Variants in SLC41A3 observed in about 807,000 individuals in gnomAD.
The protein encoded by SLC41A3 is solute carrier family 41 member 3.
SLC41A3 carries 44 observed loss-of-function variants against 45.4 expected under a neutral mutation model. The observed-to-expected ratio is 0.97, with a 90% CI of 0.76 to 1.25. SLC41A3 has a LOEUF of 1.25. Ranked by LOEUF, SLC41A3 falls within the 50% of genes most tolerant of loss-of-function variation. The pLI, the probability that SLC41A3 is intolerant of heterozygous loss-of-function variation, is 0.00. For missense variants in SLC41A3, 550 were observed against 600.6 expected (o/e 0.92, Z 0.88); for synonymous variants, 256 against 252.4 (o/e 1.01, Z -0.13).
At chr3:126,068,641 G>A (rs1030973314) in intron 1 of SLC41A3, among the ~76,000 whole-genome samples, 6 of 152,172 alleles carry the variant, frequency 3.9e-5, no homozygotes, top group African/African-American at 1.4e-4. Flanking sequence ...CTGACTCTCA[G>A]CAAGAAAGAT....
At chr3:126,011,382 A>C (rs139092265) in intron 9 of SLC41A3, among the ~76,000 whole-genome samples, 172 of 152,348 alleles carry the variant, frequency 1.1e-3, no homozygotes, top group African/African-American at 4.0e-3. Flanking sequence ...TTGGAGAAAA[A>C]AGTGATAGAA....
chr3:126,021,230 C>T (rs1940855124), intron 6 of SLC41A3, among the ~76,000 whole-genome samples: 1 of 66,120 alleles, frequency 1.5e-5, no homozygotes, highest in African/African-American at 6.4e-5. Context: ...TTTTCCTGGG[C>T]TTTCTGTGTC....
intron 2 of SLC41A3, among the ~76,000 whole-genome samples, chr3:126,054,503 C>T (rs1333465402): frequency 6.6e-6 from 1 of 152,112 alleles, no homozygotes; most frequent in Non-Finnish European, 1.5e-5. Context: ...AGACAGAGCC[C>T]CTCACTCCTG....
At chr3:126,012,257 C>T (rs79488839) in intron 9 of SLC41A3, among the ~76,000 whole-genome samples, 4,480 of 152,276 alleles carry the variant, frequency 0.029, 196 homozygotes, top group African/African-American at 0.098. Context: ...TCCTCTAATT[C>T]TTTTTCACTG....
intron 1 of SLC41A3, among the ~76,000 whole-genome samples, chr3:126,082,193 G>A (rs370855512): frequency 4.6e-5 from 7 of 152,204 alleles, no homozygotes; most frequent in African/African-American, 1.4e-4. Context: ...CTGACAGCTC[G>A]TGCAGATGAA....
intron 4 of SLC41A3, among the ~76,000 whole-genome samples, chr3:126,033,336 GA>G (rs1941940112): frequency 7.0e-6 from 1 of 143,290 alleles, no homozygotes; most frequent in Admixed American, 6.9e-5. Flanking sequence ...GACAGAGAAG[GA>G]GCAAGTACAG....
At chr3:126,064,747 C>T (rs925818900) in intron 2 of SLC41A3, among the ~76,000 whole-genome samples, 1 of 152,238 alleles carries the variant, frequency 6.6e-6, no homozygotes, top group African/African-American at 2.4e-5. Context: ...TGGAGACCCC[C>T]GTTCTTCCCG....
intron 2 of SLC41A3, chr3:126,056,368 T>C: frequency 6.2e-7 from 1 of 1,613,968 alleles, no homozygotes; most frequent in Non-Finnish European, 8.5e-7. Context: ...TTGAATGGTG[T>C]TCATCACCAG....
chr3:126,022,750 G>T (rs781097902), intron 6 of SLC41A3, 36 bp downstream of exon 6: 8 of 1,611,744 alleles, frequency 5.0e-6, no homozygotes, highest in Non-Finnish European at 6.8e-6. Context: ...CCCCCTCCAC[G>T]GAGCCTTTGT....
At chr3:126,084,307 G>A (rs1343725332), upstream of SLC41A3, 1 of 152,158 alleles carries the variant, frequency 6.6e-6, no homozygotes, top group Admixed American at 6.5e-5. Context: ...GGGAGCCGGG[G>A]ATCGCGGGGA....
intron 9 of SLC41A3, 136 bp from the exon 10 acceptor site, chr3:126,009,016 G>T: frequency 3.9e-6 from 4 of 1,013,238 alleles, no homozygotes; most frequent in Admixed American, 2.3e-5. Flanking sequence ...TCTGTGGCAA[G>T]CATATTCTGG....
Position 126,033,572 on chromosome 3 carries a change from T to C in SLC41A3, c.453+35A>G. 1.9e-6 allele frequency: 3 copies of C among 1,604,248 alleles called. No individual in the cohort carries two copies. In the South Asian group the frequency reaches 3.4e-5, roughly 18 times the overall value. ...CCACCTGGGGAAGCCTGGCTGCAGATTCAGAAGGGAGGGTCGGACAAGGTG... is the reference window on the plus strand; with the variant it reads ...CCACCTGGGGAAGCCTGGCTGCAGACTCAGAAGGGAGGGTCGGACAAGGTG... On this transcript the variant is annotated intron_variant, in intron 4 of 10. Coordinates refer to ENST00000360370, the MANE Select transcript of SLC41A3 (RefSeq NM_017836.4).
At chr3:126,044,862 C>T (rs1279018209) in intron 3 of SLC41A3, among the ~76,000 whole-genome samples, 1 of 131,882 alleles carries the variant, frequency 7.6e-6, no homozygotes, top group Non-Finnish European at 1.5e-5. Flanking sequence ...CGCCACTGCA[C>T]TCCAGCCTGG....
intron 10 of SLC41A3, among the ~76,000 whole-genome samples, chr3:126,008,335 AG>A (rs1485321359): frequency 5.9e-5 from 9 of 152,212 alleles, no homozygotes; most frequent in African/African-American, 9.6e-5. Flanking sequence ...TGTGACATGC[AG>A]TGTGTAGTGT....
chr3:126,032,567 C>T (rs948725027), intron 4 of SLC41A3, among the ~76,000 whole-genome samples: 6 of 152,194 alleles, frequency 3.9e-5, no homozygotes, highest in African/African-American at 1.4e-4. Context: ...TTGCCTGAGG[C>T]CCCTCAGTGG....
intron 2 of SLC41A3, among the ~76,000 whole-genome samples, chr3:126,067,074 A>C (rs1944381283): frequency 6.7e-6 from 1 of 149,768 alleles, no homozygotes; most frequent in Non-Finnish European, 1.5e-5. Context: ...TCACTGGGTC[A>C]GGGTCTGTGG....
At chr3:126,054,069 A>G (rs1200290708) in intron 2 of SLC41A3, among the ~76,000 whole-genome samples, 1 of 151,998 alleles carries the variant, frequency 6.6e-6, no homozygotes, top group Non-Finnish European at 1.5e-5. Context: ...CTCCGGCCTC[A>G]CCCTCGGGGT....
intron 3 of SLC41A3, among the ~76,000 whole-genome samples, chr3:126,039,260 T>C (rs1217319940): frequency 4.6e-5 from 7 of 152,252 alleles, no homozygotes; most frequent in African/African-American, 7.2e-5. Flanking sequence ...AACTAAACTA[T>C]AGAATGTATT....
chr3:126,032,650 G>A (rs879903705), intron 4 of SLC41A3, among the ~76,000 whole-genome samples: 2 of 152,232 alleles, frequency 1.3e-5, no homozygotes, highest in Admixed American at 6.5e-5. Context: ...TGAGTATGGG[G>A]AGAGAAGACA....
Sources: gnomAD v4.1 joint callset for allele counts (sites outside exome capture counted in the v4.1 genomes callset) on GRCh38, gnomAD v4.1.1 for gene constraint, MANE v1.5 for transcripts, NCBI Gene and HGNC (gene_info 2026-07-23, HGNC 2026-07-21) for gene names.